Variants in RTL4 observed in about 807,000 individuals in gnomAD.
RTL4 encodes retrotransposon Gag-like protein 4.
Under a neutral mutation model 5.3 loss-of-function variants are expected in RTL4, and 4 were observed. The ratio of observed to expected loss-of-function variants is 0.75; its 90% CI spans 0.37 to 1.72. The LOEUF is 1.72. RTL4 is among the 40% of genes most tolerant of loss of function. RTL4 has a pLI of 0.04. For missense variants in RTL4, 260 were observed against 227.1 expected (o/e 1.14, Z -0.93); for synonymous variants, 98 against 87.3 (o/e 1.12, Z -0.68).
chrX:112,266,520 A>G, the RTL4 span, among the ~76,000 whole-genome samples: 3 of 111,056 alleles, frequency 2.7e-5, no homozygotes, highest in Non-Finnish European at 5.7e-5. Flanking sequence ...AACTTCCCTG[A>G]GGTTGGATAG....
At chrX:112,403,522 C>A in the RTL4 span, among the ~76,000 whole-genome samples, 1 of 111,560 alleles carries the variant, frequency 9.0e-6, no homozygotes, top group Non-Finnish European at 1.9e-5. Flanking sequence ...AACCCCTGTG[C>A]TTTAGGTGTC....
the RTL4 span, among the ~76,000 whole-genome samples, chrX:112,394,008 T>A: frequency 9.0e-6 from 1 of 111,447 alleles, no homozygotes; most frequent in African/African-American, 3.3e-5. Flanking sequence ...CATGTAGCTC[T>A]TATGTGAGAT....
chrX:112,288,887 G>T, the RTL4 span, among the ~76,000 whole-genome samples: 2 of 111,678 alleles, frequency 1.8e-5, no homozygotes, highest in Non-Finnish European at 3.8e-5. Flanking sequence ...AGTGTGGAAA[G>T]TATTATTTTT....
At chrX:112,221,487 G>A in the RTL4 span, among the ~76,000 whole-genome samples, 2 of 111,971 alleles carry the variant, frequency 1.8e-5, no homozygotes, top group East Asian at 5.6e-4. Context: ...CTCTATGTTG[G>A]TGTTGTTCTC....
the RTL4 span, among the ~76,000 whole-genome samples, chrX:112,304,787 A>T: frequency 9.3e-6 from 1 of 107,694 alleles, no homozygotes; most frequent in Non-Finnish European, 1.9e-5. Context: ...AAACCTCCTG[A>T]CCCACTCATT....
At chrX:112,233,062 C>A in the RTL4 span, among the ~76,000 whole-genome samples, 1 of 111,515 alleles carries the variant, frequency 9.0e-6, no homozygotes, top group Non-Finnish European at 1.9e-5. Context: ...ATTGAATCAT[C>A]CCTTTGGATT....
chrX:112,151,415 C>G, the RTL4 span, among the ~76,000 whole-genome samples: 14 of 111,931 alleles, frequency 1.3e-4, no homozygotes, highest in Non-Finnish European at 2.4e-4. Flanking sequence ...TTCCACTCCT[C>G]TCCCCAACTC....
At chrX:112,142,889 T>C in the RTL4 span, among the ~76,000 whole-genome samples, 1 of 111,429 alleles carries the variant, frequency 9.0e-6, no homozygotes, top group South Asian at 3.8e-4. Flanking sequence ...AGTGCACTGA[T>C]GTGATCTTGG....
chrX:112,332,496 C>T, the RTL4 span, among the ~76,000 whole-genome samples: 7 of 110,813 alleles, frequency 6.3e-5, no homozygotes, highest in East Asian at 2.0e-3. Flanking sequence ...GAATACTAGG[C>T]AGCCATAAAA....
chrX:112,345,228 C>T, the RTL4 span, among the ~76,000 whole-genome samples: 1 of 111,270 alleles, frequency 9.0e-6, no homozygotes, highest in South Asian at 3.9e-4. Context: ...CGTGAGTGCT[C>T]TTGCTCTCAA....
upstream of RTL4, among the ~76,000 whole-genome samples, chrX:112,450,384 C>A (rs1926715117): frequency 8.9e-6 from 1 of 112,004 alleles, no homozygotes; most frequent in Non-Finnish European, 1.9e-5. Flanking sequence ...TAGACCTTGT[C>A]CGAGCTCACA....
the RTL4 span, among the ~76,000 whole-genome samples, chrX:112,286,761 C>G: frequency 7.2e-5 from 8 of 111,470 alleles, no homozygotes; most frequent in African/African-American, 2.6e-4. Context: ...TATTGCTTCT[C>G]CCCACATAGA....
chrX:112,221,526 G>A, the RTL4 span, among the ~76,000 whole-genome samples: 5 of 112,028 alleles, frequency 4.5e-5, no homozygotes, highest in East Asian at 1.4e-3. Flanking sequence ...TGATAGGAAA[G>A]ATGGGCACCA....
chrX:112,312,825 A>G, the RTL4 span, among the ~76,000 whole-genome samples: 6 of 110,817 alleles, frequency 5.4e-5, no homozygotes, highest in Admixed American at 4.9e-4. Flanking sequence ...TGTCTCCCCA[A>G]ACCTTTCTCA....
chrX:112,237,927 C>T, the RTL4 span, among the ~76,000 whole-genome samples: 1 of 111,826 alleles, frequency 8.9e-6, no homozygotes, highest in Non-Finnish European at 1.9e-5. Flanking sequence ...ATATGTCATT[C>T]TGTTCCAGTG....
At chrX:112,220,272 A>G in the RTL4 span, among the ~76,000 whole-genome samples, 206 of 112,597 alleles carry the variant, frequency 1.8e-3, 1 homozygote, top group African/African-American at 6.2e-3. Flanking sequence ...GGCTCACAAT[A>G]TATATATTTT....
the RTL4 span, among the ~76,000 whole-genome samples, chrX:112,183,394 T>C: frequency 9.0e-6 from 1 of 111,682 alleles, no homozygotes; most frequent in African/African-American, 3.3e-5. Flanking sequence ...CCAAGACCAA[T>C]CAGTGTGCTG....
chrX:112,098,162 A>G, the RTL4 span, among the ~76,000 whole-genome samples: 1 of 83,093 alleles, frequency 1.2e-5, no homozygotes, highest in Non-Finnish European at 2.1e-5. Context: ...TCCTGTGTCC[A>G]TGTGTTCTCA....
the RTL4 span, among the ~76,000 whole-genome samples, chrX:112,178,754 A>G: frequency 1.2e-4 from 13 of 111,255 alleles, no homozygotes; most frequent in African/African-American, 4.2e-4. Flanking sequence ...CTAGAATCAC[A>G]TCATATATGC....
Sources: gnomAD v4.1 joint callset for allele counts (sites outside exome capture counted in the v4.1 genomes callset) on GRCh38, gnomAD v4.1.1 for gene constraint, MANE v1.5 for transcripts, NCBI Gene and HGNC (gene_info 2026-07-23, HGNC 2026-07-21) for gene names.